AIF1L: variants seen among roughly 807,000 people sequenced by gnomAD.
AIF1L encodes allograft inflammatory factor 1 like.
In AIF1L, 12 loss-of-function variants were observed where a neutral mutation model predicts 20.7. The observed-to-expected ratio is 0.58, with a 90% CI of 0.37 to 0.94. The LOEUF is 0.94. AIF1L is among the 40% of genes least tolerant of loss of function. The pLI is 0.01. For synonymous variants in AIF1L, 76 were observed against 65.1 expected (o/e 1.17, Z -0.81); for missense variants, 173 against 185.3 (o/e 0.93, Z 0.39).
At chr9:131,118,348 C>T (rs1831059954) in intron 5 of AIF1L, among the ~76,000 whole-genome samples, 1 of 152,104 alleles carries the variant, frequency 6.6e-6, no homozygotes, top group Non-Finnish European at 1.5e-5. Flanking sequence ...CCTCCTCAGC[C>T]TCCCAAAATG....
intron 2 of AIF1L, among the ~76,000 whole-genome samples, chr9:131,106,948 C>T (rs1830765802): frequency 1.3e-5 from 2 of 152,122 alleles, no homozygotes; most frequent in Admixed American, 1.3e-4. Context: ...CAAAAATTAG[C>T]TGGACGTGTT....
rs1830529307 is a variant in AIF1L at position 131,096,566 on chromosome 9, T to G, written c.-64T>G. ...AGCCGGAGCCCGGACCAGGCGCCTG[T>G]GCCTCCTCCTCGTCCCTCGCCGCGT... is the stretch of plus-strand genomic sequence containing the variant. On this transcript the variant is annotated 5_prime_UTR_variant, in exon 1 of 6. Transcript: ENST00000247291. The G allele has an allele frequency of 2.7e-6, 4 of 1,477,732 alleles. No individual in the cohort carries two copies. Among genetic ancestry groups the G allele is most frequent in the Admixed American group, 2.4e-5 (1 of 42,408 alleles). The allele number at this position is 1,477,732 out of a possible 1,614,324, so 91.5% of individuals were successfully genotyped here.
rs373660340 is a variant in AIF1L, at chr9:131,111,702, G to T, written c.160+39G>T. ...GGCTGCCCTGCATTTATTCCTGGGG[G>T]AGGTGGGCTGGCCCCTCATCCTTGC... On this transcript the variant is annotated intron_variant, in intron 3 of 5. Transcript: ENST00000247291. 1.4e-4 allele frequency: 227 copies of T among 1,596,486 alleles called. 2 individuals are homozygous for T. The highest frequency in any genetic ancestry group is 3.3e-5 in the Admixed American group (2 of 59,928).
chr9:131,111,274 G>T, intron 2 of AIF1L: 1 of 285,782 alleles, frequency 3.5e-6, no homozygotes, highest in Non-Finnish European at 6.6e-6. Context: ...GGAGCTCACA[G>T]CTTCTCGGAT....
chr9:131,096,667 G>C lies in AIF1L; in HGVS notation c.31+7G>C, dbSNP rs1475506051. 1.2e-5 allele frequency: 18 copies of C among 1,477,042 alleles called. No homozygotes were observed. The highest frequency in any genetic ancestry group is 1.6e-5 in the Non-Finnish European group (18 of 1,121,516). The allele number at this position is 1,477,042 out of a possible 1,614,324, so 91.5% of individuals were successfully genotyped here. A position where few individuals can be genotyped will look rare whatever the true frequency, so the allele number is the denominator to read the frequency against. On this transcript the variant is annotated splice_region_variant and intron_variant, in intron 1 of 5. Transcript: ENST00000247291. ...CTCAGCAACAGGTTCCAAGGTAGGC[G>C]CCGCCGTCCCCGAGCAGCCACCTGT...
chr9:131,098,568 A>T (rs1830573844), intron 2 of AIF1L, among the ~76,000 whole-genome samples: 1 of 147,178 alleles, frequency 6.8e-6, no homozygotes, highest in Admixed American at 6.8e-5. Flanking sequence ...TGAGGTGACC[A>T]TGGTTGGACA....
At chr9:131,106,816 C>T (rs1830761591) in intron 2 of AIF1L, among the ~76,000 whole-genome samples, 1 of 151,606 alleles carries the variant, frequency 6.6e-6, no homozygotes, top group African/African-American at 2.4e-5. Flanking sequence ...GACATTGAGG[C>T]TGGGTGTGGT....
At chr9:131,112,614 G>GAAC in intron 3 of AIF1L, among the ~76,000 whole-genome samples, 1 of 152,288 alleles carries the variant, frequency 6.6e-6, no homozygotes, top group East Asian at 1.9e-4. Flanking sequence ...TTGGAGGGCG[G>GAAC]GGTTGTTGGC....
intron 2 of AIF1L, among the ~76,000 whole-genome samples, chr9:131,109,532 C>T (rs557584925): frequency 1.3e-4 from 20 of 152,246 alleles, no homozygotes; most frequent in African/African-American, 4.8e-4. Flanking sequence ...GGACTCCAGC[C>T]TGGGTGACAA....
rs1351535816 is a variant in AIF1L at position 131,122,187 on chromosome 9, G to T, written c.*1865G>T. On this transcript the variant is annotated 3_prime_UTR_variant, in exon 6 of 6. Coordinates refer to ENST00000247291, the MANE Select transcript of AIF1L (RefSeq NM_031426.4). ...CAACACCTTAAGTGGACAGGACTGG[G>T]AGGTCTTGGTGGTTGGAGCCAACGT... 1 of 152,560 alleles carries T rather than the reference G, an allele frequency of 6.6e-6. No individual in the cohort carries two copies. Among genetic ancestry groups the T allele is most frequent in the Non-Finnish European group, 1.5e-5 (1 of 68,054 alleles). The allele number at this position is 152,560 out of a possible 1,614,324, so 9.5% of individuals were successfully genotyped here.
At position 131,114,601 on chromosome 9, in the gene AIF1L, A is replaced by G; in HGVS notation, c.185A>G (p.Asn62Ser). 6.2e-7 allele frequency: 1 copy of G among 1,614,154 alleles called. No homozygotes were observed. Among genetic ancestry groups the G allele is most frequent in the South Asian group, 1.1e-5 (1 of 91,080 alleles). The part of the protein sequence containing the change: ...FKEKYMEFDL[N>S]NEGEIDLMSL... ...GAGAAGTACATGGAGTTTGACCTGA[A>G]CAATGAAGGCGAGATTGGTGAGTGA... The change falls in exon 4 of 6, where the codon AAC becomes AGC. Residue 62 changes from asparagine (N) to serine (S), a missense_variant. Transcript: ENST00000247291.
intron 4 of AIF1L, 34 bp from the exon 5 acceptor site, chr9:131,117,722 T>G (rs376454977): frequency 6.0e-5 from 93 of 1,558,940 alleles, no homozygotes; most frequent in Non-Finnish European, 7.8e-5. Flanking sequence ...CAGCAGCCCA[T>G]CTCCACTTAA....
intron 2 of AIF1L, among the ~76,000 whole-genome samples, chr9:131,109,138 C>T (rs1830817654): frequency 1.1e-5 from 1 of 89,624 alleles, no homozygotes; most frequent in African/African-American, 3.2e-5. Flanking sequence ...TCCTCTGCTC[C>T]CTTGATGCTA....
chr9:131,112,353 CT>C (rs759357390), intron 3 of AIF1L: 1 of 152,464 alleles, frequency 6.6e-6, no homozygotes, highest in Non-Finnish European at 1.5e-5. Context: ...TTGCATTCCC[CT>C]CCAAAGTGTT....
chr9:131,101,000 C>T (rs353537), intron 2 of AIF1L, among the ~76,000 whole-genome samples: 64,815 of 151,780 alleles, frequency 0.43, 15,055 homozygotes, highest in East Asian at 0.55. Context: ...TAAGTTTACG[C>T]GATTCTTCTG....
chr9:131,106,593 G>A (rs1222014679), intron 2 of AIF1L, among the ~76,000 whole-genome samples: 1 of 151,328 alleles, frequency 6.6e-6, no homozygotes, highest in African/African-American at 2.4e-5. Flanking sequence ...GACCAGCCTG[G>A]GCAACAGAGG....
At chr9:131,111,728 ACACAGGACCCCTCAGCCC>A in intron 3 of AIF1L, 65 bp downstream of exon 3, 1 of 1,477,694 alleles carries the variant, frequency 6.8e-7, no homozygotes, top group Non-Finnish European at 9.4e-7. Context: ...TCATCCTTGC[ACACAGGACCCCTCAGCCC>A]CACAGGACTA....
chr9:131,109,644 C>T (rs1025301093), intron 2 of AIF1L, among the ~76,000 whole-genome samples: 4 of 152,188 alleles, frequency 2.6e-5, no homozygotes, highest in African/African-American at 9.6e-5. Flanking sequence ...AGGAGGGGAA[C>T]AGGCCCTGTG....
intron 4 of AIF1L, among the ~76,000 whole-genome samples, chr9:131,116,213 C>T (rs1588112116): frequency 1.3e-5 from 2 of 152,032 alleles, no homozygotes; most frequent in East Asian, 3.9e-4. Flanking sequence ...TCAGCCCGGC[C>T]AGAAAAAATA....
Sources: gnomAD v4.1 joint callset for allele counts (sites outside exome capture counted in the v4.1 genomes callset) on GRCh38, gnomAD v4.1.1 for gene constraint, MANE v1.5 for transcripts, NCBI Gene and HGNC (gene_info 2026-07-23, HGNC 2026-07-21) for gene names.